Variants in FSTL5 observed in about 807,000 individuals in gnomAD.
The protein encoded by FSTL5 is follistatin like 5.
Under a neutral mutation model 89.1 loss-of-function variants are expected in FSTL5, and 62 were observed. That is an observed-to-expected ratio of 0.70 (90% CI 0.57 to 0.86). FSTL5 has a LOEUF of 0.86. Among genes scored for constraint, FSTL5 ranks in the 40% least tolerant of loss-of-function variants. The probability of loss-of-function intolerance (pLI) is 0.00; values close to 1 mark genes in which losing one functional copy is unlikely to be tolerated. For synonymous variants in FSTL5, 383 were observed against 346.2 expected, an observed-to-expected ratio of 1.11 and a Z score of -1.18; for missense variants, 1,057 against 1,001.6, an observed-to-expected ratio of 1.06 and a Z score of -0.75.
At chr4:161,413,284 TAAAG>T (rs1731661405) in intron 15 of FSTL5, among the ~76,000 whole-genome samples, 5 of 21,400 alleles carry the variant, frequency 2.3e-4, no homozygotes, top group South Asian at 4.4e-3. Flanking sequence ...AAAAAAAAAA[TAAAG>T]ACACACAAGT....
chr4:161,561,852 G>C (rs980217917), intron 8 of FSTL5, among the ~76,000 whole-genome samples: 3 of 151,898 alleles, frequency 2.0e-5, no homozygotes, highest in Non-Finnish European at 2.9e-5. Flanking sequence ...AAGTCACTTT[G>C]AGTGCTGGGG....
At chr4:161,954,594 A>G (rs954621323) in intron 3 of FSTL5, among the ~76,000 whole-genome samples, 3 of 151,622 alleles carry the variant, frequency 2.0e-5, no homozygotes, top group African/African-American at 7.2e-5. Context: ...GTATGTATTT[A>G]CATGTGTATA....
chr4:161,876,628 T>C (rs1732451613), intron 4 of FSTL5, among the ~76,000 whole-genome samples: 1 of 152,108 alleles, frequency 6.6e-6, no homozygotes, highest in South Asian at 2.1e-4. Context: ...TAGTGCCAGA[T>C]ACGTGGGAAG....
At chr4:161,887,942 T>C (rs552691837) in intron 4 of FSTL5, among the ~76,000 whole-genome samples, 53 of 152,300 alleles carry the variant, frequency 3.5e-4, no homozygotes, top group African/African-American at 1.2e-3. Flanking sequence ...GTTTATTTTC[T>C]CTTTATCCTT....
intron 7 of FSTL5, among the ~76,000 whole-genome samples, chr4:161,591,615 A>G (rs1275435603): frequency 6.6e-6 from 1 of 152,226 alleles, no homozygotes; most frequent in Non-Finnish European, 1.5e-5. Flanking sequence ...AAAAAGAAAG[A>G]ATAATTGACA....
intron 6 of FSTL5, among the ~76,000 whole-genome samples, chr4:161,691,989 A>G (rs1737958274): frequency 6.6e-6 from 1 of 152,102 alleles, no homozygotes; most frequent in Non-Finnish European, 1.5e-5. Flanking sequence ...CAAAATAAAT[A>G]TATACATGTA....
At position 161,476,549 on chromosome 4, in the gene FSTL5, T is replaced by A. The variant is rs371973697; in HGVS notation, c.1608+4471A>T. Among the ~76,000 whole-genome samples, 6 of 152,268 alleles carry A rather than the reference T, an allele frequency of 3.9e-5. No individual in the cohort carries two copies. The South Asian group carries it at 1.2e-3, about 32-fold the overall frequency. On this transcript the variant is annotated intron_variant, in intron 13 of 15. Transcript: ENST00000306100. The stretch of plus-strand genomic sequence containing the variant: ...TGTTTATTATTGTAGGCCATCTCTG[T>A]TCCAAGGTTCAGCCTAAAGCAAACT...
intron 2 of FSTL5, among the ~76,000 whole-genome samples, chr4:162,065,326 T>C (rs60427183): frequency 0.43 from 65,406 of 151,576 alleles, 14,879 homozygotes; most frequent in Middle Eastern, 0.57. Context: ...ACAACCAAAA[T>C]GTATAAGTAA....
chr4:161,639,508 A>T (rs1175058672), intron 7 of FSTL5, among the ~76,000 whole-genome samples: 1 of 152,204 alleles, frequency 6.6e-6, no homozygotes, highest in Non-Finnish European at 1.5e-5. Context: ...GCAATTACAC[A>T]GTTAAAAATC....
At chr4:161,976,679 C>CAA (rs1403748581) in intron 3 of FSTL5, among the ~76,000 whole-genome samples, 1 of 152,036 alleles carries the variant, frequency 6.6e-6, no homozygotes, top group African/African-American at 2.4e-5. Flanking sequence ...GACGGGGTTT[C>CAA]ACCTTGTTGG....
At chr4:161,930,323 T>C (rs1734252285) in intron 3 of FSTL5, among the ~76,000 whole-genome samples, 1 of 151,830 alleles carries the variant, frequency 6.6e-6, no homozygotes, top group African/African-American at 2.4e-5. Flanking sequence ...TTAACAATGT[T>C]TTCTTCCCCA....
At chr4:161,732,146 A>G (rs1739633010) in intron 6 of FSTL5, among the ~76,000 whole-genome samples, 1 of 152,112 alleles carries the variant, frequency 6.6e-6, no homozygotes, top group Admixed American at 6.6e-5. Context: ...AGTGCATAAT[A>G]ATTTCAGTTG....
At chr4:161,805,803 A>G (rs1285782729) in intron 4 of FSTL5, among the ~76,000 whole-genome samples, 3 of 152,088 alleles carry the variant, frequency 2.0e-5, no homozygotes, top group Admixed American at 2.0e-4. Flanking sequence ...TTTACAGTAT[A>G]CAATTATGAC....
intron 7 of FSTL5, among the ~76,000 whole-genome samples, chr4:161,597,610 C>T (rs971771924): frequency 5.3e-5 from 8 of 150,248 alleles, no homozygotes; most frequent in African/African-American, 2.0e-4. Context: ...CACATGTACG[C>T]TAGAACTTAA....
Position 161,476,554 on chromosome 4 carries a change from A to C in FSTL5, c.1608+4466T>G, listed in dbSNP as rs1734158066. On this transcript the variant is annotated intron_variant, in intron 13 of 15. Transcript: ENST00000306100. ...ATTATTGTAGGCCATCTCTGTTCCA[A>C]GGTTCAGCCTAAAGCAAACTTAAAG... Among the ~76,000 whole-genome samples, 3 of 152,060 alleles carry C rather than the reference A, an allele frequency of 2.0e-5. No individual in the cohort carries two copies. The South Asian group carries it at 6.2e-4, about 32-fold the overall frequency.
chr4:161,722,442 T>A (rs1020053731), intron 6 of FSTL5, among the ~76,000 whole-genome samples: 1 of 152,170 alleles, frequency 6.6e-6, no homozygotes, highest in Non-Finnish European at 1.5e-5. Context: ...TTCAAATATT[T>A]TTTTCTCCTA....
At chr4:161,913,765 T>C (rs1474309294) in intron 4 of FSTL5, among the ~76,000 whole-genome samples, 1 of 152,164 alleles carries the variant, frequency 6.6e-6, no homozygotes, top group East Asian at 1.9e-4. Flanking sequence ...CTGCGGGATT[T>C]TGGACTTGCT....
At chr4:162,004,851 C>T (rs547995842) in intron 3 of FSTL5, among the ~76,000 whole-genome samples, 2 of 152,196 alleles carry the variant, frequency 1.3e-5, no homozygotes, top group South Asian at 4.1e-4. Context: ...ATACAGTGGA[C>T]ATTGGTAAAT....
intron 1 of FSTL5, among the ~76,000 whole-genome samples, chr4:162,134,993 C>T (rs1732469293): frequency 6.6e-6 from 1 of 152,206 alleles, no homozygotes; most frequent in Admixed American, 6.5e-5. Flanking sequence ...TTTGCATGTG[C>T]TAACTTGGAA....
Sources: gnomAD v4.1 joint callset for allele counts (sites outside exome capture counted in the v4.1 genomes callset) on GRCh38, gnomAD v4.1.1 for gene constraint, MANE v1.5 for transcripts, NCBI Gene and HGNC (gene_info 2026-07-23, HGNC 2026-07-21) for gene names.